The following TNR variants were observed in gnomAD, a reference collection of about 807,000 sequenced individuals.
The protein encoded by TNR is tenascin R.
Under a neutral mutation model 150.4 loss-of-function variants are expected in TNR, and 45 were observed. That is an observed-to-expected ratio of 0.30 (90% CI 0.24 to 0.38). The LOEUF (loss-of-function observed/expected upper bound fraction) is 0.38. TNR is among the 10% of genes least tolerant of loss of function. The probability of loss-of-function intolerance (pLI) is 1.00; values close to 1 mark genes in which losing one functional copy is unlikely to be tolerated. For synonymous variants in TNR, 687 were observed against 678.4 expected (o/e 1.01, Z -0.20); for missense variants, 1,544 against 1,759.1 (o/e 0.88, Z 2.19).
At chr1:175,672,835 C>T (rs1289812271) in intron 1 of TNR, among the ~76,000 whole-genome samples, 1 of 152,164 alleles carries the variant, frequency 6.6e-6, no homozygotes, top group Non-Finnish European at 1.5e-5. Flanking sequence ...TTCAATTCTA[C>T]AGTACCTTCT....
rs1426396679 is a variant in TNR at position 175,406,345 on chromosome 1, C to G, written c.370G>C (p.Ala124Pro). ...TGGGCTGAACTGGCACATGGACAGG[C>G]CTTTTTGGGGAAGTTGATCCTGTGT... is the stretch of plus-strand genomic sequence containing the variant. ...FTHRINFPKK[A>P]CPCASSAQVL... Residue 124 changes from alanine to proline, a missense_variant, in exon 3 of 23, where the codon GCC becomes CCC. Around this residue, in one of 2 missense-constraint regions of TNR, gnomAD observed 1,254 missense variants for 1,329.4 expected, o/e 0.94. Transcript: ENST00000367674. 2 of 1,614,148 alleles carry G rather than the reference C, an allele frequency of 1.2e-6. No individual in the cohort carries two copies. The highest frequency in any genetic ancestry group is 1.7e-5 in the Admixed American group (1 of 60,016).
In TNR at chr1:175,367,301, T is replaced by C; in HGVS notation, c.1964-4A>G. On this transcript the variant is annotated splice_polypyrimidine_tract_variant and splice_region_variant and intron_variant, in intron 9 of 22. Transcript: ENST00000367674. ...TACTCAGTGCCAGGTACCAGATCTATCAGTGGATGGAGAAACAAACATTAT... is the reference window on the plus strand; with the variant it reads ...TACTCAGTGCCAGGTACCAGATCTACCAGTGGATGGAGAAACAAACATTAT... 6.2e-7 allele frequency: 1 copy of C among 1,613,596 alleles called. No individual in the cohort carries two copies. Among genetic ancestry groups the C allele is most frequent in the Middle Eastern group, 1.6e-4 (1 of 6,062 alleles).
In TNR at chr1:175,357,720, C is replaced by T. The variant is rs369257840; in HGVS notation, c.2975-1258G>A. Among the ~76,000 whole-genome samples the T allele has an allele frequency of 5.3e-5, 8 of 152,276 alleles. No homozygotes were observed. In the South Asian group the frequency reaches 1.7e-3, roughly 32 times the overall value. On this transcript the variant is annotated intron_variant, in intron 15 of 22. Coordinates refer to ENST00000367674, the MANE Select transcript of TNR (RefSeq NM_003285.3). The stretch of plus-strand genomic sequence containing the variant: ...ACACCTTGACCCTATTCATAGTAGC[C>T]CACTGGACATGGCCCATGGTGTTCT...
chr1:175,722,539 A>C (rs1436719158), intron 1 of TNR, among the ~76,000 whole-genome samples: 2 of 151,996 alleles, frequency 1.3e-5, no homozygotes, highest in East Asian at 3.9e-4. Flanking sequence ...ATCTCAGCTC[A>C]ATGCAACCTC....
intron 2 of TNR, among the ~76,000 whole-genome samples, chr1:175,483,456 T>C (rs896673089): frequency 1.3e-5 from 2 of 152,120 alleles, no homozygotes; most frequent in African/African-American, 2.4e-5. Flanking sequence ...TGTAAAAGAA[T>C]GGAGGCCTCT....
chr1:175,369,635 G>A (rs1254881802), intron 9 of TNR, among the ~76,000 whole-genome samples: 2 of 150,722 alleles, frequency 1.3e-5, no homozygotes, highest in Admixed American at 6.7e-5. Flanking sequence ...AGAAACTGTG[G>A]CACGGAGTAA....
At chr1:175,580,356 G>T (rs946590282) in intron 1 of TNR, among the ~76,000 whole-genome samples, 1 of 152,156 alleles carries the variant, frequency 6.6e-6, no homozygotes, top group African/African-American at 2.4e-5. Context: ...AATGAATGAA[G>T]CCTGACACTG....
intron 2 of TNR, among the ~76,000 whole-genome samples, chr1:175,431,936 C>CTCTCTCCTTCTCTCTCTCTCTCTCT (rs367657172): frequency 5.7e-5 from 3 of 52,354 alleles, no homozygotes; most frequent in South Asian, 5.5e-4. Flanking sequence ...TCTCTCTCTC[C>CTCTCTCCTTCTCTCTCTCTCTCTCT]CTCTGTCTCT....
chr1:175,739,513 C>A (rs906406737), intron 1 of TNR, among the ~76,000 whole-genome samples: 1 of 151,946 alleles, frequency 6.6e-6, no homozygotes, highest in Non-Finnish European at 1.5e-5. Context: ...CACACACACA[C>A]GCACGCACAC....
rs535647874 is a variant in TNR, at chr1:175,730,431, C to T, written c.-165+12795G>A. ...TTATCTTTGTGACTCCCCCTCTACT[C>T]CAACCAGATTGGGAGATCCTCAAAG... On this transcript the variant is annotated intron_variant, in intron 1 of 22. Transcript: ENST00000367674. Among the ~76,000 whole-genome samples, 36 of 152,342 alleles carry T rather than the reference C, an allele frequency of 2.4e-4. No homozygotes were observed. The South Asian group carries it at 6.8e-3, about 29-fold the overall frequency.
chr1:175,358,471 A>C (rs1210207746), intron 15 of TNR, among the ~76,000 whole-genome samples: 1 of 152,230 alleles, frequency 6.6e-6, no homozygotes, highest in Non-Finnish European at 1.5e-5. Flanking sequence ...CAAGTTGTTT[A>C]ATTGTCTGTT....
intron 2 of TNR, among the ~76,000 whole-genome samples, chr1:175,416,865 A>G (rs1460219415): frequency 6.6e-6 from 1 of 152,034 alleles, no homozygotes; most frequent in African/African-American, 2.4e-5. Flanking sequence ...AAAATTAGCC[A>G]GGCGTGGTGG....
intron 1 of TNR, among the ~76,000 whole-genome samples, chr1:175,571,816 A>G (rs1305706213): frequency 6.6e-6 from 1 of 152,208 alleles, no homozygotes; most frequent in African/African-American, 2.4e-5. Context: ...TTGTGTCTTC[A>G]GAGGCCAAGT....
At chr1:175,359,017 C>A (rs1027128648) in intron 15 of TNR, among the ~76,000 whole-genome samples, 30 of 151,912 alleles carry the variant, frequency 2.0e-4, no homozygotes, top group African/African-American at 7.0e-4. Flanking sequence ...TGAGTTTCAT[C>A]TTCCTAGGGC....
At chr1:175,718,783 T>G (rs1030993873) in intron 1 of TNR, among the ~76,000 whole-genome samples, 9 of 152,198 alleles carry the variant, frequency 5.9e-5, no homozygotes, top group Admixed American at 2.6e-4. Context: ...ATGACTTGTC[T>G]AACGTAACAC....
In TNR at chr1:175,330,185, C is replaced by T. The variant is rs778094189; in HGVS notation, c.3682G>A (p.Val1228Met). ...ITSQGRYELRVDMRDGQEAAF... is the reference protein window; with the variant it reads ...ITSQGRYELRMDMRDGQEAAF... ...GCCTCTTGGCCATCCCGCATGTCCA[C>T]GCGCAGCTCATAGCGGCCCTGGGAT... The change falls in exon 21 of 23, where the codon GTG (valine) becomes ATG (methionine). Residue 1228 changes from valine (V) to methionine (M), a missense_variant. This residue lies in a region of TNR where 290 missense variants were observed against 429.7 expected (regional missense o/e 0.67). Coordinates refer to ENST00000367674, the MANE Select transcript of TNR (RefSeq NM_003285.3). 4.3e-6 allele frequency: 7 copies of T among 1,612,876 alleles called. No homozygotes were observed. Among genetic ancestry groups the T allele is most frequent in the African/African-American group, 2.7e-5 (2 of 74,930 alleles).
intron 1 of TNR, among the ~76,000 whole-genome samples, chr1:175,636,069 A>C (rs1187228391): frequency 6.6e-6 from 1 of 152,066 alleles, no homozygotes; most frequent in Non-Finnish European, 1.5e-5. Context: ...TGGACCTACT[A>C]TTCCCTCTAC....
rs560593013 is a variant in TNR at position 175,652,497 on chromosome 1, T to A, written c.-165+90729A>T. On this transcript the variant is annotated intron_variant, in intron 1 of 22. Coordinates refer to ENST00000367674, the MANE Select transcript of TNR (RefSeq NM_003285.3). ...GAACTGATAATAGTTTGGATTTATGTCCCTGCCCAAATTTCATGTTAAATT... is the reference window on the plus strand; with the variant it reads ...GAACTGATAATAGTTTGGATTTATGACCCTGCCCAAATTTCATGTTAAATT... Among the ~76,000 whole-genome samples, 68 of 152,208 alleles carry A rather than the reference T, an allele frequency of 4.5e-4. 1 individual carries two copies. The highest frequency in any genetic ancestry group is 9.0e-4 in the Non-Finnish European group (61 of 68,032).
chr1:175,545,359 T>A (rs1274926974), intron 1 of TNR, among the ~76,000 whole-genome samples: 1 of 152,116 alleles, frequency 6.6e-6, no homozygotes, highest in Non-Finnish European at 1.5e-5. Flanking sequence ...TGGGTGGAGA[T>A]TATCAGTGTA....
Sources: gnomAD v4.1 joint callset for allele counts (sites outside exome capture counted in the v4.1 genomes callset) on GRCh38, gnomAD v4.1.1 for gene constraint, gnomAD v4.1.1 regional missense constraint, MANE v1.5 for transcripts, NCBI Gene and HGNC (gene_info 2026-07-23, HGNC 2026-07-21) for gene names.